UGGT2: variants seen among roughly 807,000 people sequenced by gnomAD.
UGGT2 encodes UDP-glucose:glycoprotein glucosyltransferase 2.
Under a neutral mutation model 192.1 loss-of-function variants are expected in UGGT2, and 180 were observed. That is an observed-to-expected ratio of 0.94 (90% CI 0.83 to 1.06). The LOEUF (loss-of-function observed/expected upper bound fraction) is 1.06. Among genes scored for constraint, UGGT2 ranks in the 50% least tolerant of loss-of-function variants. The probability of loss-of-function intolerance (pLI) is 0.00; values close to 1 mark genes in which losing one functional copy is unlikely to be tolerated. For synonymous variants in UGGT2, 580 were observed against 591.0 expected, an observed-to-expected ratio of 0.98 and a Z score of 0.27; for missense variants, 1,849 against 1,795.7, an observed-to-expected ratio of 1.03 and a Z score of -0.54.
intron 3 of UGGT2, 137 bp downstream of exon 3, chr13:96,023,492 A>T (rs2052574425): frequency 7.5e-6 from 6 of 797,882 alleles, no homozygotes; most frequent in Non-Finnish European, 1.8e-6. Context: ...CAACAATAAT[A>T]ATATAATCAA....
intron 20 of UGGT2, among the ~76,000 whole-genome samples, chr13:95,920,041 A>G (rs1594328109): frequency 6.6e-6 from 1 of 152,286 alleles, no homozygotes; most frequent in East Asian, 1.9e-4. Context: ...ACTCAGAAAT[A>G]AGATCACACA....
At chr13:96,004,994 G>A (rs1295567462) in intron 5 of UGGT2, among the ~76,000 whole-genome samples, 1 of 151,878 alleles carries the variant, frequency 6.6e-6, no homozygotes, top group African/African-American at 2.4e-5. Flanking sequence ...CACTCCAATT[G>A]GTGTTGGGGT....
intron 36 of UGGT2, among the ~76,000 whole-genome samples, chr13:95,851,461 C>A (rs1427079405): frequency 6.6e-6 from 1 of 152,026 alleles, no homozygotes; most frequent in Admixed American, 6.6e-5. Flanking sequence ...TAGAGAATAG[C>A]AACATTTAAA....
At chr13:96,053,065 G>C in intron 1 of UGGT2, 90 bp downstream of exon 1, 1 of 1,384,464 alleles carries the variant, frequency 7.2e-7, no homozygotes, top group Non-Finnish European at 9.3e-7. Context: ...CCGGGTGGGA[G>C]CCAGACACCC....
At chr13:95,916,400 A>T (rs1224259029) in intron 20 of UGGT2, among the ~76,000 whole-genome samples, 1 of 152,216 alleles carries the variant, frequency 6.6e-6, no homozygotes, top group Non-Finnish European at 1.5e-5. Flanking sequence ...TTCAAAGGTC[A>T]GCAATCTCAA....
chr13:96,037,354 A>C (rs2053035311), intron 1 of UGGT2, among the ~76,000 whole-genome samples: 1 of 152,148 alleles, frequency 6.6e-6, no homozygotes. Context: ...ATGTGCCACC[A>C]CACGCAGCTA....
intron 5 of UGGT2, among the ~76,000 whole-genome samples, chr13:96,008,922 A>G (rs2052068715): frequency 6.6e-6 from 1 of 152,178 alleles, no homozygotes; most frequent in Non-Finnish European, 1.5e-5. Flanking sequence ...TAGTCAAGGC[A>G]ATCCTAAGCA....
At chr13:95,900,468 C>G (rs1052931631) in intron 22 of UGGT2, among the ~76,000 whole-genome samples, 2 of 152,132 alleles carry the variant, frequency 1.3e-5, no homozygotes, top group African/African-American at 4.8e-5. Context: ...AACCTACTTG[C>G]TACACCTACT....
intron 17 of UGGT2, among the ~76,000 whole-genome samples, chr13:95,931,514 C>T (rs1409562041): frequency 6.9e-6 from 1 of 144,246 alleles, no homozygotes; most frequent in African/African-American, 2.5e-5. Flanking sequence ...GAGGCTCGGG[C>T]TGCGCAAGAC....
chr13:96,016,422 C>T (rs1221471472), intron 4 of UGGT2, among the ~76,000 whole-genome samples: 1 of 152,214 alleles, frequency 6.6e-6, no homozygotes, highest in Non-Finnish European at 1.5e-5. Flanking sequence ...GGAAAGAATG[C>T]TCACTGCCCT....
chr13:96,033,351 G>A (rs1245973942), intron 1 of UGGT2, among the ~76,000 whole-genome samples: 1 of 152,192 alleles, frequency 6.6e-6, no homozygotes, highest in African/African-American at 2.4e-5. Flanking sequence ...GCTGGTGGGA[G>A]CAAGGAACAG....
chr13:95,819,764 A>G (rs533972227), intron 38 of UGGT2, among the ~76,000 whole-genome samples: 1 of 152,362 alleles, frequency 6.6e-6, no homozygotes, highest in Non-Finnish European at 1.5e-5. Context: ...AGTCTTCATT[A>G]TACAACTCTT....
Position 95,848,737 on chromosome 13 carries a change from ATGGT to A in UGGT2, c.4284+4802_4284+4805del, listed in dbSNP as rs1427316604. Among the ~76,000 whole-genome samples the A allele has an allele frequency of 3.3e-5, 5 of 152,236 alleles. No individual in the cohort carries two copies. The East Asian group carries it at 9.6e-4, about 29-fold the overall frequency. ...TCTTCTGACTTTCTTCTTTTTCAAT[ATGGT>A]GTTGGTTATTCTAGGTCTTTTCCTT... On this transcript the variant is annotated intron_variant, in intron 36 of 38. Coordinates refer to ENST00000376747, the MANE Select transcript of UGGT2 (RefSeq NM_020121.4).
intron 5 of UGGT2, among the ~76,000 whole-genome samples, chr13:96,003,826 A>G (rs1398805521): frequency 1.3e-5 from 2 of 152,206 alleles, no homozygotes; most frequent in African/African-American, 4.8e-5. Flanking sequence ...CAACCCACAG[A>G]ATAAAGAGAA....
At chr13:96,015,619 G>GCTAAGGTGCTTTA (rs1411843892) in intron 4 of UGGT2, among the ~76,000 whole-genome samples, 1 of 152,116 alleles carries the variant, frequency 6.6e-6, no homozygotes. Flanking sequence ...TTACTGAATT[G>GCTAAGGTGCTTTA]ACTAAGGTGT....
At chr13:96,029,012 G>T (rs983366103) in intron 2 of UGGT2, among the ~76,000 whole-genome samples, 1 of 151,884 alleles carries the variant, frequency 6.6e-6, no homozygotes, top group African/African-American at 2.4e-5. Context: ...TTAGCCGGGC[G>T]TGGTGGTGGG....
chr13:95,900,763 T>C (rs2048081666), intron 22 of UGGT2, 44 bp downstream of exon 22: 1 of 1,583,136 alleles, frequency 6.3e-7, no homozygotes, highest in East Asian at 2.3e-5. Context: ...ACCAGTGCAC[T>C]GCAGTGTCAC....
chr13:95,838,586 A>C (rs1249670518), intron 36 of UGGT2, among the ~76,000 whole-genome samples: 2 of 152,196 alleles, frequency 1.3e-5, no homozygotes, highest in African/African-American at 4.8e-5. Flanking sequence ...GTATTGGAAA[A>C]ATAAGAGACA....
chr13:96,044,495 C>T (rs1050069070), intron 1 of UGGT2, among the ~76,000 whole-genome samples: 4 of 151,776 alleles, frequency 2.6e-5, no homozygotes, highest in African/African-American at 9.7e-5. Flanking sequence ...AGTGAAATAA[C>T]CAAGATTAGA....
Sources: gnomAD v4.1 joint callset for allele counts (sites outside exome capture counted in the v4.1 genomes callset) on GRCh38, gnomAD v4.1.1 for gene constraint, MANE v1.5 for transcripts, NCBI Gene and HGNC (gene_info 2026-07-23, HGNC 2026-07-21) for gene names.